Variants in XRRA1 observed in about 807,000 individuals in gnomAD.
XRRA1 encodes the protein X-ray radiation resistance associated 1.
XRRA1 carries 69 observed loss-of-function variants against 80.2 expected under a neutral mutation model. That is an observed-to-expected ratio of 0.86 (90% CI 0.71 to 1.05). XRRA1 has a LOEUF of 1.05. Ranked by LOEUF, XRRA1 falls within the 50% of genes least tolerant of loss-of-function variation. The pLI, the probability that XRRA1 is intolerant of heterozygous loss-of-function variation, is 0.00. For missense variants in XRRA1, 967 were observed against 976.4 expected (o/e 0.99, Z 0.13); for synonymous variants, 348 against 389.9 (o/e 0.89, Z 1.27).
At position 74,907,290 on chromosome 11, in the gene XRRA1, C is replaced by G. The variant is rs2138205498; in HGVS notation, c.657-17G>C. The G allele has an allele frequency of 6.2e-7, 1 of 1,613,562 alleles. No homozygotes were observed. ...GATGCCTCCCTGTGAGTGCAAAGAT[C>G]TTGGGTAATGAGCAAGGTCGAGGGA... On this transcript the variant is annotated splice_polypyrimidine_tract_variant and intron_variant, in intron 8 of 18. Transcript: ENST00000684022.
At chr11:74,883,435 C>T (rs866281165) in intron 10 of XRRA1, among the ~76,000 whole-genome samples, 28 of 152,060 alleles carry the variant, frequency 1.8e-4, no homozygotes, top group Middle Eastern at 6.8e-3. Flanking sequence ...GAGATGAACC[C>T]GGTACCTCAG....
intron 10 of XRRA1, among the ~76,000 whole-genome samples, chr11:74,869,113 G>A (rs555437455): frequency 1.3e-5 from 2 of 151,734 alleles, no homozygotes; most frequent in East Asian, 3.9e-4. Context: ...ACAATCCTCA[G>A]TACAATTTTA....
intron 9 of XRRA1, chr11:74,906,893 TCTC>T: frequency 4.2e-6 from 2 of 477,914 alleles, no homozygotes; most frequent in Non-Finnish European, 7.3e-6. Flanking sequence ...TTGGGTAAAA[TCTC>T]CTCCTGTTTT....
At chr11:74,880,736 G>C (rs1007507485) in intron 10 of XRRA1, among the ~76,000 whole-genome samples, 2 of 151,244 alleles carry the variant, frequency 1.3e-5, no homozygotes, top group Non-Finnish European at 3.0e-5. Context: ...AGTCATTCAG[G>C]AGCAGGTTGT....
At position 74,919,680 on chromosome 11, in the gene XRRA1, T is replaced by C. The variant is rs191653595; in HGVS notation, c.656+1534A>G. The C allele has an allele frequency of 1.2e-4, 63 of 538,696 alleles. 1 individual carries two copies. The highest frequency in any genetic ancestry group is 1.1e-3 in the African/African-American group (57 of 50,980). The allele number at this position is 538,696 out of a possible 1,614,324, so 33.4% of individuals were successfully genotyped here. ...AGAATACACCATCAACATTCACAAG[T>C]GCATCCATGGAGTGGGCTTCAAGAA... is the stretch of plus-strand genomic sequence containing the variant. On this transcript the variant is annotated intron_variant, in intron 8 of 18. Coordinates refer to ENST00000684022, the MANE Select transcript of XRRA1 (RefSeq NM_001378157.1).
At chr11:74,905,614 G>A (rs2054418686) in intron 10 of XRRA1, among the ~76,000 whole-genome samples, 3 of 152,052 alleles carry the variant, frequency 2.0e-5, no homozygotes, top group African/African-American at 7.2e-5. Context: ...TTTTTGATTT[G>A]TTTTGTTTTT....
intron 10 of XRRA1, chr11:74,876,905 T>C (rs1052715373): frequency 2.6e-5 from 4 of 152,244 alleles, no homozygotes; most frequent in Admixed American, 6.5e-5. Context: ...TTTTGATGCA[T>C]ACTTGTGGGA....
chr11:74,865,689 C>A (rs1425294290), intron 10 of XRRA1, among the ~76,000 whole-genome samples: 1 of 152,200 alleles, frequency 6.6e-6, no homozygotes, highest in African/African-American at 2.4e-5. Flanking sequence ...CAACAGATCC[C>A]AACATGCCCC....
chr11:74,844,971 G>T, intron 16 of XRRA1, 102 bp downstream of exon 16: 1 of 1,203,996 alleles, frequency 8.3e-7, no homozygotes, highest in Non-Finnish European at 1.2e-6. Context: ...CAGCACCCTA[G>T]TTGGGAAAAG....
chr11:74,938,900 A>T (rs748713965), intron 3 of XRRA1, among the ~76,000 whole-genome samples: 8 of 152,116 alleles, frequency 5.3e-5, no homozygotes, highest in Non-Finnish European at 8.8e-5. Context: ...CCTATCTCCT[A>T]CTAGTCCTGT....
At chr11:74,857,561 G>T (rs764476608) in intron 12 of XRRA1, among the ~76,000 whole-genome samples, 4 of 152,158 alleles carry the variant, frequency 2.6e-5, no homozygotes, top group Non-Finnish European at 5.9e-5. Flanking sequence ...GTGATTGATA[G>T]AACAACTATA....
intron 11 of XRRA1, among the ~76,000 whole-genome samples, chr11:74,862,777 A>T (rs570174080): frequency 6.6e-6 from 1 of 152,146 alleles, no homozygotes; most frequent in East Asian, 1.9e-4. Context: ...AGGACCTGGT[A>T]CAGGTAAGGT....
intron 8 of XRRA1, among the ~76,000 whole-genome samples, chr11:74,910,397 T>C (rs1384939470): frequency 6.6e-6 from 1 of 151,892 alleles, no homozygotes; most frequent in East Asian, 1.9e-4. Flanking sequence ...AGAAAGAGAG[T>C]AGGCCTAATG....
Position 74,879,531 on chromosome 11 carries a change from C to G in XRRA1, c.1004-16510G>C, listed in dbSNP as rs1303577837. 7.9e-5 allele frequency among the ~76,000 whole-genome samples: 12 copies of G among 152,120 alleles called. 1 individual carries two copies. The East Asian group carries it at 2.3e-3, about 29-fold the overall frequency. On this transcript the variant is annotated intron_variant, in intron 10 of 18. Coordinates refer to ENST00000684022, the MANE Select transcript of XRRA1 (RefSeq NM_001378157.1). ...ATAGGAGTGGTGAGAGAGGGCATCCCTGTCTTGTGCCAGTTTTCAAAGGGA... is the reference window on the plus strand; with the variant it reads ...ATAGGAGTGGTGAGAGAGGGCATCCGTGTCTTGTGCCAGTTTTCAAAGGGA...
In XRRA1 at chr11:74,843,127, G is replaced by T. The variant is rs536041721; in HGVS notation, c.*73C>A. 6 of 1,473,768 alleles carry T rather than the reference G, an allele frequency of 4.1e-6. No individual in the cohort carries two copies. The highest frequency in any genetic ancestry group is 2.2e-5 in the Admixed American group (1 of 45,914). The allele number at this position is 1,473,768 out of a possible 1,614,324, so 91.3% of individuals were successfully genotyped here. On this transcript the variant is annotated 3_prime_UTR_variant, in exon 19 of 19. Transcript: ENST00000684022. ...GGCCGGCTGGTCAACCTTGAGGTGC[G>T]GTCCAGGGCACAGAGCCCTCGGGGA...
In XRRA1 at chr11:74,943,524, G is replaced by GGTGTGTGTGTGTGTGTGTGTGTGTGTGT. The variant is rs67590742; in HGVS notation, c.-5+1466_-5+1493dup. On this transcript the variant is annotated intron_variant, in intron 2 of 18. Transcript: ENST00000684022. ...GGAGGCGAGGGGAAGAGAGTAGGAGGGTGTGTGTGTGTGTGTGTGTGTGTG... is the reference window on the plus strand; with the variant it reads ...GGAGGCGAGGGGAAGAGAGTAGGAGGGTGTGTGTGTGTGTGTGTGTGTGTGTGTGTGTGTGTGTGTGTGTGTGTGTGTG... Among the ~76,000 whole-genome samples the GGTGTGTGTGTGTGTGTGTGTGTGTGTGT allele has an allele frequency of 1.6e-3, 217 of 137,846 alleles. 3 individuals are homozygous for GGTGTGTGTGTGTGTGTGTGTGTGTGTGT. The highest frequency in any genetic ancestry group is 8.7e-3 in the East Asian group (34 of 3,904). The allele number at this position is 137,846 out of a possible 152,430, so 90.4% of individuals were successfully genotyped here. A position where few individuals can be genotyped will look rare whatever the true frequency, so the allele number is the denominator to read the frequency against.
chr11:74,852,434 ACTCTTTAT>A (rs1387592963), intron 12 of XRRA1, among the ~76,000 whole-genome samples: 2 of 152,052 alleles, frequency 1.3e-5, no homozygotes, highest in African/African-American at 4.8e-5. Flanking sequence ...GTACGAACAA[ACTCTTTAT>A]CTCATAAAGA....
intron 10 of XRRA1, among the ~76,000 whole-genome samples, chr11:74,897,537 C>G (rs1051600419): frequency 5.3e-5 from 8 of 151,782 alleles, no homozygotes; most frequent in Non-Finnish European, 8.8e-5. Flanking sequence ...TAGATTTAAG[C>G]CTAAGAAGCC....
chr11:74,920,983 TG>T (rs2138939948), intron 8 of XRRA1, among the ~76,000 whole-genome samples: 1 of 152,234 alleles, frequency 6.6e-6, no homozygotes, highest in Non-Finnish European at 1.5e-5. Flanking sequence ...AGTTTACAGA[TG>T]ACCAGTCAGA....
Sources: gnomAD v4.1 joint callset for allele counts (sites outside exome capture counted in the v4.1 genomes callset) on GRCh38, gnomAD v4.1.1 for gene constraint, MANE v1.5 for transcripts, NCBI Gene and HGNC (gene_info 2026-07-23, HGNC 2026-07-21) for gene names.